ST6GALNAC3: variants seen among roughly 807,000 people sequenced by gnomAD.
ST6GALNAC3 encodes ST6 N-acetylgalactosaminide alpha-2,6-sialyltransferase 3, also known as alpha-N-acetylgalactosaminide alpha-2,6-sialyltransferase 3.
In ST6GALNAC3, 25 loss-of-function variants were observed where a neutral mutation model predicts 32.7. That is an observed-to-expected ratio of 0.76 (90% CI 0.56 to 1.07). The LOEUF is 1.07. ST6GALNAC3 is among the 50% of genes least tolerant of loss of function. The pLI is 0.00. For missense variants in ST6GALNAC3, 355 were observed against 382.4 expected, an observed-to-expected ratio of 0.93 and a Z score of 0.60; for synonymous variants, 129 against 133.1, an observed-to-expected ratio of 0.97 and a Z score of 0.21.
chr1:76,490,856 C>CT (rs1298714396), intron 3 of ST6GALNAC3, among the ~76,000 whole-genome samples: 18 of 133,984 alleles, frequency 1.3e-4, no homozygotes, highest in East Asian at 2.0e-4. Flanking sequence ...TTCTTTTTTT[C>CT]TTTTTTTTTG....
chr1:76,593,372 T>C (rs192426580), intron 3 of ST6GALNAC3, among the ~76,000 whole-genome samples: 2 of 152,284 alleles, frequency 1.3e-5, no homozygotes, highest in East Asian at 3.9e-4. Context: ...GTATCCTTAA[T>C]AGCAACAAGG....
At position 76,104,586 on chromosome 1, in the gene ST6GALNAC3, C is replaced by T. The variant is rs182353767; in HGVS notation, c.18+29702C>T. On this transcript the variant is annotated intron_variant, in intron 1 of 4. Coordinates refer to ENST00000328299, the MANE Select transcript of ST6GALNAC3 (RefSeq NM_152996.4). ...CCAGCTTCTTTTGTCCAGACTTCTT[C>T]CTTCCCTTGATCCTGGCCTGACGCT... 2.7e-5 allele frequency among the ~76,000 whole-genome samples: 4 copies of T among 150,420 alleles called. No homozygotes were observed. In the East Asian group the frequency reaches 7.8e-4, roughly 29 times the overall value.
rs1051414 is a variant in ST6GALNAC3, at chr1:76,630,521, G to C, written c.*1715G>C. On this transcript the variant is annotated 3_prime_UTR_variant, in exon 5 of 5. Coordinates refer to ENST00000328299, the MANE Select transcript of ST6GALNAC3 (RefSeq NM_152996.4). ...CTGAGAATTCAAAAACATCCTTGCA[G>C]AATGATTCAAAAGACAAAAGCCAGG... is the stretch of plus-strand genomic sequence containing the variant. 0.013 allele frequency: 13,116 copies of C among 985,242 alleles called. 112 individuals carry two copies. Among genetic ancestry groups the C allele is most frequent in the Middle Eastern group, 0.034 (66 of 1,914 alleles). The allele number at this position is 985,242 out of a possible 1,614,324, so 61.0% of individuals were successfully genotyped here.
At chr1:76,408,096 A>G (rs944215119) in intron 2 of ST6GALNAC3, among the ~76,000 whole-genome samples, 1 of 152,052 alleles carries the variant, frequency 6.6e-6, no homozygotes, top group Non-Finnish European at 1.5e-5. Flanking sequence ...AGATGTATAA[A>G]TGAGTCCCTT....
At chr1:76,369,306 C>T (rs1032677505) in intron 2 of ST6GALNAC3, among the ~76,000 whole-genome samples, 2 of 152,076 alleles carry the variant, frequency 1.3e-5, no homozygotes, top group Non-Finnish European at 2.9e-5. Context: ...TGAATCCTGG[C>T]CAGAGCAAGC....
intron 3 of ST6GALNAC3, among the ~76,000 whole-genome samples, chr1:76,468,950 G>A (rs1658839519): frequency 6.6e-6 from 1 of 151,844 alleles, no homozygotes. Flanking sequence ...TCTTTCCTTG[G>A]CCACTGAACC....
intron 1 of ST6GALNAC3, among the ~76,000 whole-genome samples, chr1:76,150,368 C>G (rs2100326635): frequency 6.6e-6 from 1 of 152,266 alleles, no homozygotes; most frequent in Non-Finnish European, 1.5e-5. Flanking sequence ...CAAGTAAAGC[C>G]AGTAGGGATG....
At chr1:76,411,207 C>T (rs899380134) in intron 2 of ST6GALNAC3, among the ~76,000 whole-genome samples, 2 of 152,022 alleles carry the variant, frequency 1.3e-5, no homozygotes, top group African/African-American at 4.8e-5. Flanking sequence ...TAGAGTTAGA[C>T]GATCTAGATT....
At chr1:76,266,696 C>A (rs537916423) in intron 1 of ST6GALNAC3, among the ~76,000 whole-genome samples, 1 of 152,238 alleles carries the variant, frequency 6.6e-6, no homozygotes, top group South Asian at 2.1e-4. Flanking sequence ...TTTTAGCCAC[C>A]CATCTAAGCT....
chr1:76,380,726 G>A (rs542294805), intron 2 of ST6GALNAC3, among the ~76,000 whole-genome samples: 1 of 152,096 alleles, frequency 6.6e-6, no homozygotes, highest in East Asian at 1.9e-4. Flanking sequence ...AGTGTTTGGA[G>A]TGTTACATGT....
chr1:76,134,908 C>A (rs981689793), intron 1 of ST6GALNAC3, among the ~76,000 whole-genome samples: 1 of 152,080 alleles, frequency 6.6e-6, no homozygotes, highest in African/African-American at 2.4e-5. Flanking sequence ...TTTGGGAGGC[C>A]GAGGCAGGCA....
intron 2 of ST6GALNAC3, among the ~76,000 whole-genome samples, chr1:76,359,928 C>A (rs1271609228): frequency 6.6e-6 from 1 of 152,174 alleles, no homozygotes; most frequent in East Asian, 1.9e-4. Flanking sequence ...AAACATACAT[C>A]TTTAGCTAAG....
chr1:76,236,740 C>A (rs1453582605), intron 1 of ST6GALNAC3, among the ~76,000 whole-genome samples: 1 of 152,090 alleles, frequency 6.6e-6, no homozygotes, highest in Non-Finnish European at 1.5e-5. Flanking sequence ...AAAATTCATA[C>A]CTCCTTACTT....
At chr1:76,307,835 G>A (rs1661153358) in intron 1 of ST6GALNAC3, 1 of 492,586 alleles carries the variant, frequency 2.0e-6, no homozygotes, top group African/African-American at 1.9e-5. Context: ...CCGGATCTTT[G>A]CACTTGTGTT....
chr1:76,178,569 T>C (rs909302149), intron 1 of ST6GALNAC3, among the ~76,000 whole-genome samples: 1 of 152,176 alleles, frequency 6.6e-6, no homozygotes, highest in Non-Finnish European at 1.5e-5. Context: ...GGAACCTGTA[T>C]TTTTAAAAGA....
At position 76,181,010 on chromosome 1, in the gene ST6GALNAC3, C is replaced by T. The variant is rs553639575; in HGVS notation, c.18+106126C>T. ...TGCGTGGATGGCAAGGCTAAAAGAACACACTGTAACATACACCCAACTGGG... is the reference window on the plus strand; with the variant it reads ...TGCGTGGATGGCAAGGCTAAAAGAATACACTGTAACATACACCCAACTGGG... On this transcript the variant is annotated intron_variant, in intron 1 of 4. Transcript: ENST00000328299. 2.5e-4 allele frequency among the ~76,000 whole-genome samples: 38 copies of T among 152,364 alleles called. No individual in the cohort carries two copies. In the South Asian group the frequency reaches 7.5e-3, roughly 30 times the overall value.
chr1:76,620,875 T>G (rs1288344172), intron 3 of ST6GALNAC3, among the ~76,000 whole-genome samples: 3 of 152,076 alleles, frequency 2.0e-5, no homozygotes, highest in Non-Finnish European at 4.4e-5. Context: ...CTGCCATTAT[T>G]GGGGTTCCAT....
chr1:76,295,323 T>A (rs1423350832), intron 1 of ST6GALNAC3, among the ~76,000 whole-genome samples: 1 of 152,142 alleles, frequency 6.6e-6, no homozygotes, highest in Non-Finnish European at 1.5e-5. Flanking sequence ...ACTCTCAGAA[T>A]GTCTACCAAG....
intron 3 of ST6GALNAC3, among the ~76,000 whole-genome samples, chr1:76,544,745 C>T (rs1466212848): frequency 6.6e-6 from 1 of 152,044 alleles, no homozygotes; most frequent in Non-Finnish European, 1.5e-5. Flanking sequence ...GATTCTGACG[C>T]TAGATATACA....
Sources: allele counts gnomAD v4.1 joint callset (sites outside exome capture counted in the v4.1 genomes callset), GRCh38; gene constraint gnomAD v4.1.1; transcripts MANE v1.5; gene names NCBI Gene and HGNC (gene_info 2026-07-23, HGNC 2026-07-21).